The following AAMDC variants were observed in gnomAD, a reference collection of about 807,000 sequenced individuals.
AAMDC encodes adipogenesis associated Mth938 domain containing.
A neutral mutation model predicts 15.5 loss-of-function variants in AAMDC; 16 were observed. The observed-to-expected ratio is 1.03, with a 90% CI of 0.70 to 1.57. AAMDC has a LOEUF of 1.57. Among genes scored for constraint, AAMDC ranks in the 40% most tolerant of loss-of-function variants. The pLI is 0.00. For missense variants in AAMDC, 141 were observed against 144.9 expected (o/e 0.97, Z 0.14); for synonymous variants, 51 against 51.6 (o/e 0.99, Z 0.05).
intron 2 of AAMDC, among the ~76,000 whole-genome samples, chr11:77,854,655 C>G (rs990910043): frequency 6.6e-6 from 1 of 152,180 alleles, no homozygotes; most frequent in Admixed American, 6.5e-5. Context: ...AGGGTGCAAC[C>G]CCTGTGGCTG....
At chr11:77,858,176 G>A (rs1950710349) in intron 2 of AAMDC, among the ~76,000 whole-genome samples, 1 of 143,726 alleles carries the variant, frequency 7.0e-6, no homozygotes. Context: ...GTGCCACCAT[G>A]CCTGGCTAAT....
At chr11:77,858,828 T>A (rs1335225590) in intron 2 of AAMDC, among the ~76,000 whole-genome samples, 1 of 152,168 alleles carries the variant, frequency 6.6e-6, no homozygotes, top group Admixed American at 6.5e-5. Flanking sequence ...ATGGACTGCA[T>A]CGGGGACTCC....
chr11:77,875,917 G>C (rs1951581502), downstream of AAMDC, among the ~76,000 whole-genome samples: 1 of 152,102 alleles, frequency 6.6e-6, no homozygotes, highest in African/African-American at 2.4e-5. Context: ...TTTGGGACAG[G>C]GAGTATGAGG....
Position 77,878,631 on chromosome 11 carries a change from C to T in AAMDC, c.328+1582C>T, listed in dbSNP as rs1565217597. 7 of 600,398 alleles carry T rather than the reference C, an allele frequency of 1.2e-5. No homozygotes were observed. The East Asian group carries it at 2.0e-4, about 17-fold the overall frequency. 37.2% of individuals were successfully genotyped at this position (600,398 alleles called of 1,614,324 possible). A position where few individuals can be genotyped will look rare whatever the true frequency, so the allele number is the denominator to read the frequency against. On this transcript the variant is annotated intron_variant, in intron 5 of 5. Transcript: ENST00000304716. The stretch of plus-strand genomic sequence containing the variant: ...AGGAGGTAACTGGATCTTTGTGTTT[C>T]ACACCTGAGGAATAGCATGTAAGCA...
rs185529626 is a variant in AAMDC, at chr11:77,898,928, G to A, written c.329-1643G>A. 2.0e-5 allele frequency among the ~76,000 whole-genome samples: 3 copies of A among 152,208 alleles called. No individual in the cohort carries two copies. The South Asian group carries it at 6.2e-4, about 31-fold the overall frequency. On this transcript the variant is annotated intron_variant, in intron 5 of 5. Transcript: ENST00000304716. Reference sequence around the variant, plus strand: ...CCAGCTACTTGGGAGGCTGAGGCATGAGAGTTGCTTGGACCCGGGAACCAG... The same window carrying A: ...CCAGCTACTTGGGAGGCTGAGGCATAAGAGTTGCTTGGACCCGGGAACCAG...
chr11:77,852,883 T>G (rs1245568198), intron 2 of AAMDC, among the ~76,000 whole-genome samples: 1 of 152,220 alleles, frequency 6.6e-6, no homozygotes, highest in Admixed American at 6.5e-5. Context: ...TTTTTCTTTT[T>G]TACCACTGTA....
chr11:77,903,494 T>G (rs1952841769), downstream of AAMDC: 1 of 1,608,878 alleles, frequency 6.2e-7, no homozygotes, highest in Non-Finnish European at 8.5e-7. Context: ...GACCAGACAA[T>G]TACTGGACAG....
In AAMDC at chr11:77,854,021, C is replaced by T. The variant is rs1487341493; in HGVS notation, c.132+11393C>T. 1.0e-3 allele frequency among the ~76,000 whole-genome samples: 147 copies of T among 142,776 alleles called. 1 individual carries two copies. The highest frequency in any genetic ancestry group is 3.7e-3 in the African/African-American group (142 of 38,596). 93.7% of individuals were successfully genotyped at this position (142,776 alleles called of 152,430 possible). ...TTTTTTTTTTTTTGAGACAGACTCT[C>T]GCTCCGTTGCCCAGGCTGGAGTGCA... On this transcript the variant is annotated intron_variant, in intron 2 of 3. Transcript: ENST00000393427.
chr11:77,841,239 T>C, intron 1 of AAMDC: 1 of 702,436 alleles, frequency 1.4e-6, no homozygotes, highest in East Asian at 2.7e-5. Flanking sequence ...CACCTCTTAA[T>C]GTTGTTATAA....
chr11:77,833,013 T>A (rs1343153747), intron 1 of AAMDC, among the ~76,000 whole-genome samples: 44 of 130,856 alleles, frequency 3.4e-4, no homozygotes, highest in East Asian at 1.1e-3. Flanking sequence ...ATATATATTT[T>A]TTTTTTTTTT....
chr11:77,855,755 T>C (rs1590956883), intron 2 of AAMDC, among the ~76,000 whole-genome samples: 1 of 132,996 alleles, frequency 7.5e-6, no homozygotes, highest in Non-Finnish European at 1.5e-5. Context: ...AATATGAGCA[T>C]AGGCTGCTAG....
At chr11:77,876,266 G>C (rs1342216982), downstream of AAMDC, among the ~76,000 whole-genome samples, 2 of 152,118 alleles carry the variant, frequency 1.3e-5, no homozygotes, top group African/African-American at 2.4e-5. Flanking sequence ...GTCACCTGGG[G>C]AAGAAACCAG....
intron 5 of AAMDC, among the ~76,000 whole-genome samples, chr11:77,887,972 C>T (rs1271394017): frequency 1.3e-5 from 2 of 152,156 alleles, no homozygotes; most frequent in Non-Finnish European, 2.9e-5. Flanking sequence ...TAGGAAGAAT[C>T]AATATTGTGA....
chr11:77,867,748 A>G (rs1346211781), intron 2 of AAMDC, among the ~76,000 whole-genome samples: 1 of 152,200 alleles, frequency 6.6e-6, no homozygotes, highest in East Asian at 1.9e-4. Context: ...AGGTAGTTCA[A>G]GAAGCTACCA....
At chr11:77,867,690 G>A (rs1026828669) in intron 2 of AAMDC, among the ~76,000 whole-genome samples, 1 of 152,176 alleles carries the variant, frequency 6.6e-6, no homozygotes, top group African/African-American at 2.4e-5. Context: ...AGTAGGTTGG[G>A]CTGGTAGTTC....
downstream of AAMDC, among the ~76,000 whole-genome samples, chr11:77,902,321 G>A (rs941070490): frequency 3.9e-5 from 6 of 152,076 alleles, no homozygotes; most frequent in African/African-American, 1.2e-4. Context: ...TACAGCAATG[G>A]TAATTCCTTT....
In AAMDC at chr11:77,897,650, G is replaced by A. The variant is rs906584526; in HGVS notation, c.329-2921G>A. Among the ~76,000 whole-genome samples the A allele has an allele frequency of 2.2e-4, 33 of 148,340 alleles. 1 individual carries two copies. Among genetic ancestry groups the A allele is most frequent in the African/African-American group, 8.1e-4 (32 of 39,652 alleles). On this transcript the variant is annotated intron_variant, in intron 5 of 5. Coordinates refer to the AAMDC transcript ENST00000304716. ...CGAGTAGCTGGGATTACAGGCACCT[G>A]CCACCACGCCCGGCTAATTTTTTTT...
chr11:77,870,068 G>A (rs1951341043), intron 3 of AAMDC: 1 of 256,406 alleles, frequency 3.9e-6, no homozygotes, highest in African/African-American at 2.2e-5. Context: ...TCACTATTTG[G>A]TCCTTTATAT....
chr11:77,893,429 GA>G, intron 5 of AAMDC, among the ~76,000 whole-genome samples: 1 of 152,008 alleles, frequency 6.6e-6, no homozygotes, highest in South Asian at 2.1e-4. Context: ...AACACAGCAA[GA>G]CCCCATCTCT....
Sources: allele counts gnomAD v4.1 joint callset (sites outside exome capture counted in the v4.1 genomes callset), GRCh38; gene constraint gnomAD v4.1.1; transcripts MANE v1.5; gene names NCBI Gene and HGNC (gene_info 2026-07-23, HGNC 2026-07-21).